The following TAF1D variants were observed in gnomAD, a reference collection of about 807,000 sequenced individuals.
The protein encoded by TAF1D is TATA-box binding protein associated factor, RNA polymerase I subunit D.
TAF1D carries 23 observed loss-of-function variants against 26.2 expected under a neutral mutation model. That is an observed-to-expected ratio of 0.88 (90% CI 0.63 to 1.25). The LOEUF is 1.25. TAF1D is among the 50% of genes most tolerant of loss of function. The pLI is 0.00. For synonymous variants in TAF1D, 100 were observed against 105.6 expected (o/e 0.95, Z 0.33); for missense variants, 299 against 322.0 (o/e 0.93, Z 0.55).
rs939735917 is a variant in TAF1D, at chr11:93,739,327, G to A, written c.-23C>T. 4.4e-6 allele frequency: 7 copies of A among 1,599,218 alleles called. No homozygotes were observed. In the Admixed American group the frequency reaches 1.2e-4, roughly 28 times the overall value. On this transcript the variant is annotated 5_prime_UTR_variant, in exon 2 of 6. Transcript: ENST00000448108. ...CATCAATTGCTCTTTGTTTTAAACA[G>A]TTTTCTGAAATTATGAAATTTAGTA... is the stretch of plus-strand genomic sequence containing the variant.
In TAF1D at chr11:93,737,044, T is replaced by A. The variant is rs761960188; in HGVS notation, c.635+20A>T. On this transcript the variant is annotated intron_variant, in intron 4 of 5. Coordinates refer to ENST00000448108, the MANE Select transcript of TAF1D (RefSeq NM_024116.4). ...TAATTTATAACCTATTACCAAAGTA[T>A]TTCATATGATTCCACTTACGTTGAC... The A allele has an allele frequency of 6.4e-7, 1 of 1,554,684 alleles. No individual in the cohort carries two copies. Among genetic ancestry groups the A allele is most frequent in the African/African-American group, 1.4e-5 (1 of 72,348 alleles).
Position 93,738,517 on chromosome 11 carries a change from AAATT to A in TAF1D, c.69-22_69-19del. ...AGTTATCACTAGAAAAATGGGAAAA[AAATT>A]AATTTCATCTTCTTTTCTTACTGCT... On this transcript the variant is annotated intron_variant, in intron 2 of 5. Transcript: ENST00000448108. 1 of 1,541,342 alleles carries A rather than the reference AAATT, an allele frequency of 6.5e-7. No individual in the cohort carries two copies.
downstream of TAF1D, chr11:93,733,182 C>A: frequency 3.9e-6 from 2 of 513,014 alleles, no homozygotes; most frequent in Non-Finnish European, 7.8e-6. Context: ...AAAACTAAAA[C>A]CCAAGTATAA....
chr11:93,732,377 A>T (rs1263400522), downstream of TAF1D: 1 of 518,892 alleles, frequency 1.9e-6, no homozygotes, highest in Non-Finnish European at 3.8e-6. Context: ...ATCAGTAGAA[A>T]TACCAGGTTT....
chr11:93,739,244 T>A lies in TAF1D; in HGVS notation c.61A>T (p.Asn21Tyr), dbSNP rs746839390. The A allele has an allele frequency of 6.8e-6, 11 of 1,611,814 alleles. No individual in the cohort carries two copies. The highest frequency in any genetic ancestry group is 9.3e-6 in the Non-Finnish European group (11 of 1,179,062). The change falls in exon 2 of 6, where the codon AAT becomes TAT. Residue 21 changes from asparagine (N) to tyrosine (Y), a missense_variant. Transcript: ENST00000448108. ...HVTSDAVELA[N>Y]RSDNSSDSSL... ...ATGATTGAATCCACTCACCTTCGAT[T>A]TGCAAGTTCCACAGCATCAGATGTC...
chr11:93,734,658 A>C, downstream of TAF1D: 1 of 1,112,370 alleles, frequency 9.0e-7, no homozygotes, highest in Non-Finnish European at 1.2e-6. Context: ...TCAAGATAAA[A>C]GCCTTTAAAA....
chr11:93,737,535 C>T (rs967116403), intron 3 of TAF1D, among the ~76,000 whole-genome samples: 1 of 152,100 alleles, frequency 6.6e-6, no homozygotes, highest in Non-Finnish European at 1.5e-5. Flanking sequence ...ACTATAATCA[C>T]CTTAAACTTA....
rs1401688773 is a variant in TAF1D at position 93,737,317 on chromosome 11, A to G, written c.460-78T>C. ...CAGGTGCCTATGTTCAAAAAGGGCAATGCCCCCCCTTAGCAAAGACTCTGA... is the reference window on the plus strand; with the variant it reads ...CAGGTGCCTATGTTCAAAAAGGGCAGTGCCCCCCCTTAGCAAAGACTCTGA... On this transcript the variant is annotated intron_variant, in intron 3 of 5. Coordinates refer to ENST00000448108, the MANE Select transcript of TAF1D (RefSeq NM_024116.4). The G allele has an allele frequency of 1.4e-5, 14 of 977,426 alleles. No homozygotes were observed. In the Middle Eastern group the frequency reaches 7.3e-4, roughly 51 times the overall value. The allele number at this position is 977,426 out of a possible 1,614,324, so 60.5% of individuals were successfully genotyped here.
exon 12 of TAF1D, chr11:93,730,220 T>C (rs1400123764): frequency 6.4e-7 from 1 of 1,551,392 alleles, no homozygotes; most frequent in Non-Finnish European, 8.7e-7. Flanking sequence ...AAATTTTTAT[T>C]CCTTCCACAG....
downstream of TAF1D, chr11:93,730,741 T>G: frequency 2.1e-6 from 1 of 474,718 alleles, no homozygotes. Flanking sequence ...AAAGTAAATT[T>G]TACATTTCCA....
chr11:93,737,152 C>A lies in TAF1D; in HGVS notation c.547G>T (p.Gly183Cys). ...AAATCTTCATTTTCTAAATCTTCACCAACATTCATTTGCTTCAATGATTCT... is the reference window on the plus strand; with the variant it reads ...AAATCTTCATTTTCTAAATCTTCACAAACATTCATTTGCTTCAATGATTCT... ...LKESLKQMNV[G>C]EDLENEDFDS... The change falls in exon 4 of 6, where the codon GGT becomes TGT. Residue 183 changes from glycine to cysteine, a missense_variant. Coordinates refer to ENST00000448108, the MANE Select transcript of TAF1D (RefSeq NM_024116.4). The A allele has an allele frequency of 6.2e-7, 1 of 1,612,240 alleles. No homozygotes were observed. The highest frequency in any genetic ancestry group is 1.1e-5 in the South Asian group (1 of 90,690).
intron 3 of TAF1D, among the ~76,000 whole-genome samples, chr11:93,737,535 CCTTAAA>C (rs896914852): frequency 2.6e-5 from 4 of 152,100 alleles, no homozygotes; most frequent in South Asian, 2.1e-4. Context: ...ACTATAATCA[CCTTAAA>C]CTTAAGAGAT....
At chr11:93,730,907 TCTCA>T (rs1288947302), downstream of TAF1D, 3 of 469,454 alleles carry the variant, frequency 6.4e-6, no homozygotes, top group Admixed American at 4.8e-5. Flanking sequence ...AATTTTCAAA[TCTCA>T]CTGATTTTAA....
chr11:93,735,108 C>A (rs372957789), downstream of TAF1D: 24 of 1,338,090 alleles, frequency 1.8e-5, no homozygotes, highest in East Asian at 2.3e-4. Flanking sequence ...TCTCAGGTAT[C>A]ATAATATCCC....
chr11:93,735,249 A>G (rs1013772463), downstream of TAF1D: 2 of 1,343,756 alleles, frequency 1.5e-6, no homozygotes, highest in Non-Finnish European at 2.0e-6. Flanking sequence ...CCCAAAATGC[A>G]CTACATAGCA....
intron 2 of TAF1D, 138 bp from the exon 3 acceptor site, chr11:93,738,637 G>T: frequency 2.5e-6 from 2 of 798,628 alleles, no homozygotes; most frequent in Non-Finnish European, 3.7e-6. Flanking sequence ...TAAAGGATGG[G>T]CTCAGAACCA....
At chr11:93,733,420 C>A (rs758631304), downstream of TAF1D, 1 of 518,636 alleles carries the variant, frequency 1.9e-6, no homozygotes, top group Non-Finnish European at 3.8e-6. Flanking sequence ...AGTAGATTAT[C>A]TGGTTTTTCA....
In TAF1D at chr11:93,739,246, G is replaced by T; in HGVS notation, c.59C>A (p.Ala20Glu). Reference protein sequence around the residue: ...DHVTSDAVELANRSDNSSDSS... With the variant: ...DHVTSDAVELENRSDNSSDSS... ...GATTGAATCCACTCACCTTCGATTT[G>T]CAAGTTCCACAGCATCAGATGTCAC... Residue 20 changes from alanine (A) to glutamate (E), a missense_variant, in exon 2 of 6, where the codon GCA (alanine) becomes GAA (glutamate). By Grantham distance (107) the Ala-to-Glu change is moderately radical. Coordinates refer to ENST00000448108, the MANE Select transcript of TAF1D (RefSeq NM_024116.4). 4 of 1,611,800 alleles carry T rather than the reference G, an allele frequency of 2.5e-6. No homozygotes were observed. Among genetic ancestry groups the T allele is most frequent in the Non-Finnish European group, 2.5e-6 (3 of 1,178,938 alleles).
chr11:93,736,483 C>G, intron 5 of TAF1D, 179 bp from the exon 6 acceptor site: 6 of 1,421,782 alleles, frequency 4.2e-6, no homozygotes, highest in Non-Finnish European at 5.5e-6. Context: ...TAATATGTAT[C>G]AGAATGCTAC....
Sources: gnomAD v4.1 joint callset for allele counts (sites outside exome capture counted in the v4.1 genomes callset) on GRCh38, gnomAD v4.1.1 for gene constraint, MANE v1.5 for transcripts, NCBI Gene and HGNC (gene_info 2026-07-23, HGNC 2026-07-21) for gene names.